MDGA2: variants seen among roughly 807,000 people sequenced by gnomAD.
MDGA2 encodes MAM domain containing glycosylphosphatidylinositol anchor 2.
MDGA2 carries 40 observed loss-of-function variants against 117.8 expected under a neutral mutation model. The observed-to-expected ratio is 0.34, with a 90% confidence interval of 0.26 to 0.44. The LOEUF is 0.44. Among genes scored for constraint, MDGA2 ranks in the 20% least tolerant of loss-of-function variants. MDGA2 has a pLI of 1.00. For missense variants in MDGA2, 1,123 were observed against 1,250.6 expected (o/e 0.90, Z 1.54); for synonymous variants, 452 against 439.0 (o/e 1.03, Z -0.37).
At chr14:46,982,368 G>C (rs891180084) in intron 8 of MDGA2, among the ~76,000 whole-genome samples, 1 of 151,828 alleles carries the variant, frequency 6.6e-6, no homozygotes, top group Non-Finnish European at 1.5e-5. Context: ...TTTACAGATG[G>C]ACAAATTAGT....
At chr14:46,943,935 T>C (rs1421643390) in intron 9 of MDGA2, among the ~76,000 whole-genome samples, 5 of 152,052 alleles carry the variant, frequency 3.3e-5, no homozygotes, top group Non-Finnish European at 1.5e-5. Context: ...TTAAACTTCA[T>C]TTACAAAAAA....
At position 46,891,537 on chromosome 14, in the gene MDGA2, T is replaced by C. The variant is rs959053301; in HGVS notation, c.2239-9316A>G. ...TTAATATAATTTATTTCCTGTTTTA[T>C]ATAGTTAGCAATACGTTTAATAAGG... On this transcript the variant is annotated intron_variant, in intron 10 of 16. Coordinates refer to ENST00000399232, the MANE Select transcript of MDGA2 (RefSeq NM_001113498.3). 4.6e-5 allele frequency among the ~76,000 whole-genome samples: 7 copies of C among 151,412 alleles called. No homozygotes were observed. The East Asian group carries it at 1.4e-3, about 29-fold the overall frequency.
In MDGA2 at chr14:47,097,076, G is replaced by A; in HGVS notation, c.973C>T (p.Pro325Ser). 1 of 1,613,190 alleles carries A rather than the reference G, an allele frequency of 6.2e-7. No individual in the cohort carries two copies. The highest frequency in any genetic ancestry group is 1.1e-5 in the South Asian group (1 of 91,072). Reference sequence around the variant, plus strand: ...CATACTAATGTTATGGCCTCTCCAGGATTTACAACTATAGGATCATCCACC... The same window carrying A: ...CATACTAATGTTATGGCCTCTCCAGAATTTACAACTATAGGATCATCCACC... ...LLVDDPIVVN[P>S]GEAITLVCVT... Residue 325 changes from proline to serine, a missense_variant, in exon 6 of 17, where the codon CCT becomes TCT. By Grantham distance (74) the Pro-to-Ser change is moderately conservative. Around this residue, in one of 2 missense-constraint regions of MDGA2, gnomAD observed 890 missense variants for 1,050.3 expected, o/e 0.85. Transcript: ENST00000399232.
chr14:47,422,809 T>C (rs1166983048), intron 1 of MDGA2, among the ~76,000 whole-genome samples: 2 of 152,178 alleles, frequency 1.3e-5, no homozygotes, highest in Non-Finnish European at 2.9e-5. Flanking sequence ...CTCTTCTGTG[T>C]CAGCTCACTT....
At chr14:46,890,152 A>G (rs931715823) in intron 10 of MDGA2, among the ~76,000 whole-genome samples, 3 of 151,902 alleles carry the variant, frequency 2.0e-5, no homozygotes, top group African/African-American at 7.3e-5. Context: ...CACCACCATG[A>G]CCTCTATTTG....
chr14:47,067,741 C>A, intron 6 of MDGA2, among the ~76,000 whole-genome samples: 1 of 152,122 alleles, frequency 6.6e-6, no homozygotes, highest in Non-Finnish European at 1.5e-5. Context: ...CTGATATGAA[C>A]AAGACTTAAT....
At chr14:47,263,055 C>G (rs1022488262) in intron 2 of MDGA2, among the ~76,000 whole-genome samples, 1 of 152,002 alleles carries the variant, frequency 6.6e-6, no homozygotes, top group East Asian at 1.9e-4. Context: ...TGGGGTAGAT[C>G]CTGCACAAAG....
chr14:47,656,578 AT>A (rs1456112493), intron 1 of MDGA2, among the ~76,000 whole-genome samples: 1 of 152,194 alleles, frequency 6.6e-6, no homozygotes, highest in African/African-American at 2.4e-5. Context: ...AACTTAGCTG[AT>A]TGTTGGCTGG....
chr14:46,915,876 C>T (rs1372287948), intron 10 of MDGA2, among the ~76,000 whole-genome samples: 2 of 152,138 alleles, frequency 1.3e-5, no homozygotes, highest in African/African-American at 4.8e-5. Context: ...CTTCTGAACC[C>T]AGGAGCTTGT....
chr14:47,206,161 C>G (rs1336127336), intron 3 of MDGA2, among the ~76,000 whole-genome samples: 2 of 152,046 alleles, frequency 1.3e-5, no homozygotes, highest in African/African-American at 4.8e-5. Context: ...GTTACTTGCT[C>G]TCTTTTTCAT....
intron 3 of MDGA2, among the ~76,000 whole-genome samples, chr14:47,161,953 T>TGGGGTC (rs1566657795): frequency 9.7e-6 from 1 of 103,106 alleles, no homozygotes; most frequent in African/African-American, 3.8e-5. Context: ...TTTTTTTTTT[T>TGGGGTC]TTTTTTTTTT....
chr14:47,085,515 A>T (rs760413755), intron 6 of MDGA2, among the ~76,000 whole-genome samples: 2 of 152,176 alleles, frequency 1.3e-5, no homozygotes, highest in Admixed American at 6.5e-5. Flanking sequence ...ATTCTTGCTC[A>T]TGACAGCAGA....
chr14:47,176,176 C>G (rs1884435088), intron 3 of MDGA2, among the ~76,000 whole-genome samples: 2 of 152,136 alleles, frequency 1.3e-5, no homozygotes, highest in African/African-American at 4.8e-5. Context: ...GAAGAACATT[C>G]CATGCTCATG....
At chr14:47,314,543 T>C (rs191011057) in intron 1 of MDGA2, among the ~76,000 whole-genome samples, 3 of 152,074 alleles carry the variant, frequency 2.0e-5, no homozygotes, top group Admixed American at 2.0e-4. Flanking sequence ...CTGGGCTTGG[T>C]GGCATGAGCC....
intron 1 of MDGA2, among the ~76,000 whole-genome samples, chr14:47,338,530 A>G (rs1269811343): frequency 6.6e-6 from 1 of 152,038 alleles, no homozygotes; most frequent in Non-Finnish European, 1.5e-5. Flanking sequence ...GTTTGGAATC[A>G]TAACCAAAGG....
chr14:46,983,340 G>T (rs928485571), intron 8 of MDGA2, among the ~76,000 whole-genome samples: 1 of 151,696 alleles, frequency 6.6e-6, no homozygotes, highest in African/African-American at 2.4e-5. Context: ...TTTCTAATGT[G>T]GTCATATTAT....
At chr14:47,074,590 G>A (rs1046774068) in intron 6 of MDGA2, among the ~76,000 whole-genome samples, 4 of 152,148 alleles carry the variant, frequency 2.6e-5, no homozygotes, top group African/African-American at 7.2e-5. Flanking sequence ...GTGAGCCACC[G>A]CGCCCAGCCC....
At chr14:47,158,374 G>A (rs1883493337) in intron 3 of MDGA2, among the ~76,000 whole-genome samples, 1 of 151,192 alleles carries the variant, frequency 6.6e-6, no homozygotes, top group African/African-American at 2.4e-5. Context: ...GTGTGTGTGT[G>A]TGTGTGTGTG....
At chr14:47,581,096 T>C (rs1299462931) in intron 1 of MDGA2, among the ~76,000 whole-genome samples, 1 of 152,016 alleles carries the variant, frequency 6.6e-6, no homozygotes, top group African/African-American at 2.4e-5. Flanking sequence ...TATCCCTTCA[T>C]CCAGCTTTCA....
Sources: allele counts gnomAD v4.1 joint callset (sites outside exome capture counted in the v4.1 genomes callset), GRCh38; gene constraint gnomAD v4.1.1; regional missense constraint gnomAD v4.1.1; transcripts MANE v1.5; gene names NCBI Gene and HGNC (gene_info 2026-07-23, HGNC 2026-07-21).